Variants in VASN observed in about 807,000 individuals in gnomAD.
VASN encodes vasorin, also known as protein slit-like 2.
A neutral mutation model predicts 4.8 loss-of-function variants in VASN; 5 were observed. That is an observed-to-expected ratio of 1.03 (90% CI 0.54 to 2.17). The LOEUF (loss-of-function observed/expected upper bound fraction) is 2.17. Ranked by LOEUF, VASN falls within the 30% of genes most tolerant of loss-of-function variation. The probability of loss-of-function intolerance (pLI) is 0.01; values close to 1 mark genes in which losing one functional copy is unlikely to be tolerated. For synonymous variants in VASN, 499 were observed against 460.8 expected (o/e 1.08, Z -1.06); for missense variants, 927 against 948.8 (o/e 0.98, Z 0.30).
intron 1 of VASN, among the ~76,000 whole-genome samples, chr16:4,377,889 CCA>C (rs1186540376): frequency 2.0e-5 from 3 of 152,164 alleles, no homozygotes; most frequent in Non-Finnish European, 2.9e-5. Context: ...GGACCCCAGC[CCA>C]CAGTCCTGAC....
Position 4,381,258 on chromosome 16 carries a change from G to A in VASN, c.381G>A (p.Glu127=), listed in dbSNP as rs1438905762. ...NETFRGLRRL[E]RLYLGKNRIR... Reference sequence around the variant, plus strand: ...CCTTCCGTGGCCTGCGGCGCCTCGAGCGCCTCTACCTGGGCAAGAACCGCA... The same window carrying A: ...CCTTCCGTGGCCTGCGGCGCCTCGAACGCCTCTACCTGGGCAAGAACCGCA... The change falls in exon 2 of 2, where the codon GAG becomes GAA. Residue 127 remains glutamate (E), a synonymous_variant. Coordinates refer to ENST00000304735, the MANE Select transcript of VASN (RefSeq NM_138440.3). 2.5e-6 allele frequency: 4 copies of A among 1,611,782 alleles called. No individual in the cohort carries two copies. Among genetic ancestry groups the A allele is most frequent in the Non-Finnish European group, 3.4e-6 (4 of 1,179,512 alleles).
At chr16:4,374,734 G>A (rs1232258135) in intron 1 of VASN, among the ~76,000 whole-genome samples, 1 of 151,842 alleles carries the variant, frequency 6.6e-6, no homozygotes, top group African/African-American at 2.4e-5. Flanking sequence ...TCTGCCACGG[G>A]TTGGCCAAGA....
rs1023628932 is a variant in VASN at position 4,383,057 on chromosome 16, G to C, written c.*158G>C. On this transcript the variant is annotated 3_prime_UTR_variant, in exon 2 of 2. Transcript: ENST00000304735. Reference sequence around the variant, plus strand: ...CTGGGCCCTGTTCCCTCTGGACCTCGGTCTCCTCATCTGTGAGATGCTGTG... The same window carrying C: ...CTGGGCCCTGTTCCCTCTGGACCTCCGTCTCCTCATCTGTGAGATGCTGTG... The C allele has an allele frequency of 5.0e-6, 4 of 795,352 alleles. No homozygotes were observed. The highest frequency in any genetic ancestry group is 7.6e-6 in the Non-Finnish European group (4 of 523,778). 49.3% of individuals were successfully genotyped at this position (795,352 alleles called of 1,614,324 possible).
In VASN at chr16:4,382,547, C is replaced by A; in HGVS notation, c.1670C>A (p.Pro557Gln). 1 of 1,593,408 alleles carries A rather than the reference C, an allele frequency of 6.3e-7. No individual in the cohort carries two copies. The highest frequency in any genetic ancestry group is 2.3e-5 in the East Asian group (1 of 43,676). Residue 557 changes from proline (P) to glutamine (Q), a missense_variant, in exon 2 of 2, where the codon CCA (proline) becomes CAA (glutamine). Physicochemically the swap from Pro to Gln is moderately conservative, Grantham distance 76. Coordinates refer to ENST00000304735, the MANE Select transcript of VASN (RefSeq NM_138440.3). ...GCCTGCGGGGAGGCCCATACACCCC[C>A]AGCCGTCCACTCCAACCACGCCCCA... ...EEACGEAHTP[P>Q]AVHSNHAPVT...
chr16:4,381,879 C>G lies in VASN; in HGVS notation c.1002C>G (p.Asn334Lys). The G allele has an allele frequency of 6.2e-7, 1 of 1,604,650 alleles. No homozygotes were observed. The highest frequency in any genetic ancestry group is 8.5e-7 in the Non-Finnish European group (1 of 1,179,622). The change falls in exon 2 of 2, where the codon AAC becomes AAG. Residue 334 changes from asparagine to lysine, a missense_variant. Transcript: ENST00000304735. The part of the protein sequence containing the change: ...EETRCHFPPK[N>K]AGRLLLELDY... Reference sequence around the variant, plus strand: ...CGCGCTGCCACTTCCCGCCCAAGAACGCTGGCCGGCTGCTCCTGGAGCTTG... The same window carrying G: ...CGCGCTGCCACTTCCCGCCCAAGAAGGCTGGCCGGCTGCTCCTGGAGCTTG...
rs754003499 is a variant in VASN, at chr16:4,382,554, C to T, written c.1677C>T (p.Val559=). 3 of 1,593,394 alleles carry T rather than the reference C, an allele frequency of 1.9e-6. No individual in the cohort carries two copies. In the African/African-American group the frequency reaches 4.0e-5, roughly 21 times the overall value. ...ACGEAHTPPA[V]HSNHAPVTQA... is the part of the protein sequence containing the mutation. ...GGGAGGCCCATACACCCCCAGCCGTCCACTCCAACCACGCCCCAGTCACCC... is the reference window on the plus strand; with the variant it reads ...GGGAGGCCCATACACCCCCAGCCGTTCACTCCAACCACGCCCCAGTCACCC... The change falls in exon 2 of 2, where the codon GTC becomes GTT. Residue 559 remains valine, a synonymous_variant. Transcript: ENST00000304735.
rs140353738 is a variant in VASN, at chr16:4,382,644, G to T, written c.1767G>T (p.Ala589=). ...APALAAVLLA[A]LAAVGAAYCV... is the part of the protein sequence containing the mutation. ...CCCTGGCCGCGGTGCTCCTGGCCGC[G>T]CTGGCTGCGGTGGGGGCAGCCTACT... Residue 589 remains alanine (A), a synonymous_variant, in exon 2 of 2, where the codon GCG becomes GCT. Transcript: ENST00000304735. The T allele has an allele frequency of 1.9e-6, 3 of 1,556,528 alleles. No homozygotes were observed. Among genetic ancestry groups the T allele is most frequent in the African/African-American group, 2.7e-5 (2 of 73,396 alleles).
intron 1 of VASN, among the ~76,000 whole-genome samples, chr16:4,379,135 C>A (rs1305220935): frequency 6.6e-6 from 1 of 151,824 alleles, no homozygotes. Flanking sequence ...CAGCCTGGGG[C>A]GGAGTGCAGG....
chr16:4,381,111 G>A lies in VASN; in HGVS notation c.234G>A (p.Leu78=), dbSNP rs749033600. The part of the protein sequence containing the change: ...DAGSFAGLPG[L]QLLDLSQNQI... ...GCAGCTTTGCCGGCCTGCCGGGCCT[G>A]CAGCTCCTGGACCTGTCACAGAACC... Residue 78 remains leucine, a synonymous_variant, in exon 2 of 2, where the codon CTG becomes CTA. Transcript: ENST00000304735. The A allele has an allele frequency of 1.9e-6, 3 of 1,609,070 alleles. No individual in the cohort carries two copies. The highest frequency in any genetic ancestry group is 2.5e-6 in the Non-Finnish European group (3 of 1,178,492).
At chr16:4,379,257 G>A (rs1490395265) in intron 1 of VASN, among the ~76,000 whole-genome samples, 2 of 152,068 alleles carry the variant, frequency 1.3e-5, no homozygotes, top group Non-Finnish European at 2.9e-5. Context: ...CACTGGGCAG[G>A]ATGCTTCCTG....
In VASN at chr16:4,380,881, T is replaced by C. The variant is rs1262134613; in HGVS notation, c.4T>C (p.Cys2Arg). 3.3e-6 allele frequency: 5 copies of C among 1,520,824 alleles called. No individual in the cohort carries two copies. The African/African-American group carries it at 5.5e-5, about 17-fold the overall frequency. 94.2% of individuals were successfully genotyped at this position (1,520,824 alleles called of 1,614,324 possible). ...TCTCTGCTCCCAGGGACAGAAGATGTGCTCCAGGGTCCCTCTGCTGCTGCC... is the reference window on the plus strand; with the variant it reads ...TCTCTGCTCCCAGGGACAGAAGATGCGCTCCAGGGTCCCTCTGCTGCTGCC... M[C>R]SRVPLLLPLL... The change falls in exon 2 of 2, where the codon TGC becomes CGC. Residue 2 changes from cysteine to arginine, a missense_variant. Transcript: ENST00000304735.
At chr16:4,377,314 G>GATCAAAT (rs1265363479) in intron 1 of VASN, among the ~76,000 whole-genome samples, 2 of 135,892 alleles carry the variant, frequency 1.5e-5, no homozygotes, top group Non-Finnish European at 3.2e-5. Flanking sequence ...CCTGACTAGT[G>GATCAAAT]ATCAAATATC....
intron 1 of VASN, among the ~76,000 whole-genome samples, chr16:4,379,899 AAT>A (rs2054889296): frequency 6.6e-6 from 1 of 151,012 alleles, no homozygotes; most frequent in African/African-American, 2.4e-5. Context: ...AAAAAAAAAA[AAT>A]ACAAAAATTA....
chr16:4,378,124 A>C (rs1350976306), intron 1 of VASN, among the ~76,000 whole-genome samples: 1 of 152,126 alleles, frequency 6.6e-6, no homozygotes, highest in African/African-American at 2.4e-5. Flanking sequence ...GCTGGCCTGC[A>C]CACCTGGCCT....
chr16:4,376,398 A>G (rs2054732469), intron 1 of VASN, among the ~76,000 whole-genome samples: 1 of 152,112 alleles, frequency 6.6e-6, no homozygotes. Flanking sequence ...CAGCATGAGG[A>G]GCGGGGGCCC....
chr16:4,380,103 C>G (rs1221956833), intron 1 of VASN, among the ~76,000 whole-genome samples: 2 of 151,814 alleles, frequency 1.3e-5, no homozygotes, highest in Non-Finnish European at 2.9e-5. Context: ...CAGAGTTTTC[C>G]CAGGCCTGGC....
At chr16:4,373,363 C>A (rs923741822) in intron 1 of VASN, among the ~76,000 whole-genome samples, 13 of 152,218 alleles carry the variant, frequency 8.5e-5, no homozygotes, top group African/African-American at 3.1e-4. Flanking sequence ...CCCCACCCCG[C>A]CCCTGTCTCC....
intron 1 of VASN, among the ~76,000 whole-genome samples, chr16:4,373,772 A>G (rs895389744): frequency 6.6e-6 from 1 of 152,154 alleles, no homozygotes; most frequent in African/African-American, 2.4e-5. Flanking sequence ...GGAACAAGAA[A>G]GCAGGGCCCT....
chr16:4,382,029 G>A lies in VASN; in HGVS notation c.1152G>A (p.Glu384=), dbSNP rs1334230636. The change falls in exon 2 of 2, where the codon GAG becomes GAA. Residue 384 remains glutamate, a synonymous_variant. Transcript: ENST00000304735. ...CTCCTACCTGGCTTAGCCCCACAGAGCCGGCCACTGAGGCCCCCAGCCCGC... is the reference window on the plus strand; with the variant it reads ...CTCCTACCTGGCTTAGCCCCACAGAACCGGCCACTGAGGCCCCCAGCCCGC... ...SLAPTWLSPT[E]PATEAPSPPS... 3.1e-6 allele frequency: 5 copies of A among 1,596,842 alleles called. No individual in the cohort carries two copies. The highest frequency in any genetic ancestry group is 1.3e-5 in the African/African-American group (1 of 74,768).
Sources: allele counts gnomAD v4.1 joint callset (sites outside exome capture counted in the v4.1 genomes callset), GRCh38; gene constraint gnomAD v4.1.1; transcripts MANE v1.5; gene names NCBI Gene and HGNC (gene_info 2026-07-23, HGNC 2026-07-21).